Variants in EPHB4 observed in about 807,000 individuals in gnomAD.
EPHB4 encodes the protein EPH receptor B4, also known as ephrin type-B receptor 4.
EPHB4 carries 50 observed loss-of-function variants against 110.6 expected under a neutral mutation model. The ratio of observed to expected loss-of-function variants is 0.45; its 90% confidence interval spans 0.36 to 0.57. EPHB4 has a LOEUF of 0.57. Among genes scored for constraint, EPHB4 ranks in the 20% least tolerant of loss-of-function variants. EPHB4 has a pLI of 0.00. For missense variants in EPHB4, 1,128 were observed against 1,382.1 expected (o/e 0.82, Z 2.91); for synonymous variants, 592 against 578.4 (o/e 1.02, Z -0.34).
rs139596649 is a variant in EPHB4, at chr7:100,805,279, T to C, written c.2721A>G (p.Ser907=). The change falls in exon 16 of 17, where the codon TCA becomes TCG. Residue 907 remains serine (S), a synonymous_variant. Transcript: ENST00000358173. ...PLLDQRQPHY[S]AFGSVGEWLR... is the part of the protein sequence containing the mutation. ...GCCACTCGCCCACAGAGCCAAAAGC[T>C]GAGTAGTGAGGCTGCCGCTGGTCCA... 1.9e-6 allele frequency: 3 copies of C among 1,613,698 alleles called. No homozygotes were observed. Among genetic ancestry groups the C allele is most frequent in the Non-Finnish European group, 1.7e-6 (2 of 1,179,876 alleles).
chr7:100,824,042 G>C, intron 2 of EPHB4, 111 bp from the exon 3 acceptor site: 4 of 1,510,236 alleles, frequency 2.6e-6, no homozygotes, highest in Non-Finnish European at 3.6e-6. Flanking sequence ...TGCTGGTACT[G>C]CGAGGAGGGC....
rs1382653923 is a variant in EPHB4, at chr7:100,805,599, G to A, written c.2580C>T (p.Asp860=). The change falls in exon 15 of 17, where the codon GAC becomes GAT. Residue 860 remains aspartate, a synonymous_variant. Coordinates refer to ENST00000358173, the MANE Select transcript of EPHB4 (RefSeq NM_004444.5). ...HQLMLDCWQK[D]RNARPRFPQV... ...GGGGGAAGCGGGGCCGGGCATTCCG[G>A]TCTTTCTGCCAACAGTCCAGCATGA... The A allele has an allele frequency of 6.4e-7, 1 of 1,561,228 alleles. No individual in the cohort carries two copies. Among genetic ancestry groups the A allele is most frequent in the East Asian group, 2.3e-5 (1 of 44,262 alleles).
At chr7:100,823,260 G>A (rs1011813232) in intron 3 of EPHB4, among the ~76,000 whole-genome samples, 3 of 152,190 alleles carry the variant, frequency 2.0e-5, no homozygotes, top group Admixed American at 6.5e-5. Flanking sequence ...GAACTCCGAA[G>A]ACAAGTAGGG....
At chr7:100,813,814 A>C in intron 9 of EPHB4, 98 bp from the exon 10 acceptor site, 1 of 1,605,740 alleles carries the variant, frequency 6.2e-7, no homozygotes, top group Non-Finnish European at 8.5e-7. Flanking sequence ...GAAGATTTCA[A>C]GTAAAAAGAG....
chr7:100,826,838 A>T, intron 1 of EPHB4, 141 bp downstream of exon 1: 8 of 486,880 alleles, frequency 1.6e-5, no homozygotes, highest in East Asian at 5.7e-5. Flanking sequence ...CTCCCGTTCC[A>T]GCACTATCGG....
chr7:100,815,249 G>T (rs753067935), intron 8 of EPHB4, among the ~76,000 whole-genome samples: 2 of 152,090 alleles, frequency 1.3e-5, no homozygotes, highest in Non-Finnish European at 2.9e-5. Flanking sequence ...CTTGAGCCTG[G>T]GAGGTTGAGG....
chr7:100,822,959 G>T lies in EPHB4; in HGVS notation c.412-292C>A, dbSNP rs1256466851. On this transcript the variant is annotated intron_variant, in intron 3 of 16. Coordinates refer to ENST00000358173, the MANE Select transcript of EPHB4 (RefSeq NM_004444.5). The surrounding 1 kb of genome is among the most constrained non-coding windows in gnomAD (Gnocchi z 4.7). Reference sequence around the variant, plus strand: ...GCCAGGCCTTGACCTCAGAGTCAAGGAGACAGCGATGAATGAATCCTGGGG... The same window carrying T: ...GCCAGGCCTTGACCTCAGAGTCAAGTAGACAGCGATGAATGAATCCTGGGG... Among the ~76,000 whole-genome samples, 1 of 152,112 alleles carries T rather than the reference G, an allele frequency of 6.6e-6. No homozygotes were observed. The highest frequency in any genetic ancestry group is 1.5e-5 in the Non-Finnish European group (1 of 68,022).
intron 1 of EPHB4, among the ~76,000 whole-genome samples, chr7:100,825,952 C>A (rs557651390): frequency 1.9e-4 from 29 of 152,320 alleles, no homozygotes; most frequent in African/African-American, 6.5e-4. Flanking sequence ...TCACTCCCAA[C>A]CCCACACCTA....
rs1414790699 is a variant in EPHB4, at chr7:100,813,699, C to T, written c.1709G>A (p.Arg570Lys). 2 of 1,614,210 alleles carry T rather than the reference C, an allele frequency of 1.2e-6. No homozygotes were observed. The highest frequency in any genetic ancestry group is 2.7e-5 in the African/African-American group (2 of 75,056). Reference protein sequence around the residue: ...VLCLRKQSNGREAEYSDKHGQ... With the variant: ...VLCLRKQSNGKEAEYSDKHGQ... Reference sequence around the variant, plus strand: ...GTGTTTGTCCGAATATTCTGCTTCTCTCCCATTGCTCTGCTTCCTGTAGCC... The same window carrying T: ...GTGTTTGTCCGAATATTCTGCTTCTTTCCCATTGCTCTGCTTCCTGTAGCC... The change falls in exon 10 of 17, where the codon AGA becomes AAA. Residue 570 changes from arginine to lysine, a missense_variant. Transcript: ENST00000358173.
Position 100,806,492 on chromosome 7 carries a change from C to T in EPHB4, c.2412G>A (p.Trp804Ter). 6.2e-7 allele frequency: 1 copy of T among 1,614,176 alleles called. No homozygotes were observed. Among genetic ancestry groups the T allele is most frequent in the Non-Finnish European group, 8.5e-7 (1 of 1,180,022 alleles). ...FRKFTSASDA[W>*]SYGIVMWEVM... ...CCTCCCACATCACAATCCCGTAACT[C>T]CAGGCATCACTGGCGGAAGTGAACT... The change falls in exon 14 of 17, where the codon TGG (tryptophan) becomes TGA (stop). Residue 804 changes from tryptophan (W) to a stop codon, truncating the protein, a stop_gained. Transcript: ENST00000358173. LOFTEE classifies it high-confidence loss of function.
At chr7:100,811,781 G>T (rs1410122052) in intron 12 of EPHB4, among the ~76,000 whole-genome samples, 1 of 151,384 alleles carries the variant, frequency 6.6e-6, no homozygotes, top group Non-Finnish European at 1.5e-5. Flanking sequence ...GAGGCGGGAG[G>T]ATCACTTGAG....
At chr7:100,818,829 T>C (rs898561842) in intron 6 of EPHB4, among the ~76,000 whole-genome samples, 185 bp from the exon 7 acceptor site, 16 of 151,868 alleles carry the variant, frequency 1.1e-4, no homozygotes, top group African/African-American at 3.6e-4. Context: ...GCTTCCCAAG[T>C]GGATTACAGG....
chr7:100,819,889 G>A lies in EPHB4; in HGVS notation c.965C>T (p.Thr322Ile), dbSNP rs1389340287. The part of the protein sequence containing the change: ...RTDPRGAPCT[T>I]PPSAPRSVVS... ...CACGCTCCGCGGAGCCGAAGGAGGGGCTGCAGGAGACCAGGGAGTCAGGCA... is the reference window on the plus strand; with the variant it reads ...CACGCTCCGCGGAGCCGAAGGAGGGACTGCAGGAGACCAGGGAGTCAGGCA... The change falls in exon 6 of 17, where the codon ACC (threonine) becomes ATC (isoleucine). Residue 322 changes from threonine (T) to isoleucine (I), a missense_variant and splice_region_variant. This residue lies in a region of EPHB4 where 728 missense variants were observed against 828.6 expected (regional missense o/e 0.88). Transcript: ENST00000358173. The A allele has an allele frequency of 6.5e-7, 1 of 1,541,958 alleles. No homozygotes were observed. The highest frequency in any genetic ancestry group is 8.8e-7 in the Non-Finnish European group (1 of 1,141,132).
At chr7:100,810,783 A>T (rs997264057) in intron 12 of EPHB4, among the ~76,000 whole-genome samples, 1 of 152,088 alleles carries the variant, frequency 6.6e-6, no homozygotes, top group Admixed American at 6.6e-5. Flanking sequence ...ACCAGGTACA[A>T]AGCCCGGTCT....
rs765108714 is a variant in EPHB4, at chr7:100,805,306, G to C, written c.2694C>G (p.Leu898=). The C allele has an allele frequency of 6.2e-7, 1 of 1,613,842 alleles. No individual in the cohort carries two copies. The highest frequency in any genetic ancestry group is 2.2e-5 in the East Asian group (1 of 44,880). ...AGTAGTGAGGCTGCCGCTGGTCCAG[G>C]AGAGGGTGTGAGGCCCTAGGGGGCA... ...ARENGGASHP[L]LDQRQPHYSA... is the part of the protein sequence containing the mutation. The change falls in exon 16 of 17, where the codon CTC becomes CTG. Residue 898 remains leucine, a synonymous_variant. Transcript: ENST00000358173.
chr7:100,803,618 G>C, intron 16 of EPHB4, 28 bp from the exon 17 acceptor site: 1 of 1,574,628 alleles, frequency 6.4e-7, no homozygotes, highest in Non-Finnish European at 8.7e-7. Flanking sequence ...AGCTTGGTGA[G>C]ACCCTAGGTT....
chr7:100,811,515 A>C (rs1200393715), intron 12 of EPHB4, among the ~76,000 whole-genome samples: 11 of 152,016 alleles, frequency 7.2e-5, no homozygotes, highest in Admixed American at 7.2e-4. Flanking sequence ...GTATAGCTTT[A>C]TTCCTGGGGA....
chr7:100,804,876 G>A (rs1812781057), intron 16 of EPHB4, among the ~76,000 whole-genome samples: 3 of 152,236 alleles, frequency 2.0e-5, no homozygotes, highest in Admixed American at 2.0e-4. Context: ...GGCCTGGAAT[G>A]CAGATAGATG....
At chr7:100,819,932 C>T (rs879363473) in intron 5 of EPHB4, 43 bp from the exon 6 acceptor site, 41 of 1,515,298 alleles carry the variant, frequency 2.7e-5, no homozygotes, top group Non-Finnish European at 3.0e-5. Context: ...ACCTGCTCTG[C>T]GGTGGTGGGG....
Sources: allele counts gnomAD v4.1 joint callset (sites outside exome capture counted in the v4.1 genomes callset), GRCh38; gene constraint gnomAD v4.1.1; regional missense constraint gnomAD v4.1.1; non-coding constraint Gnocchi (gnomAD v3.1); transcripts MANE v1.5; gene names NCBI Gene and HGNC (gene_info 2026-07-23, HGNC 2026-07-21).